The following GAS6 variants were observed in gnomAD, a reference collection of about 807,000 sequenced individuals.
GAS6 encodes the protein growth arrest specific 6.
In GAS6, 41 loss-of-function variants were observed where a neutral mutation model predicts 75.8. The observed-to-expected ratio is 0.54, with a 90% CI of 0.42 to 0.70. GAS6 has a LOEUF of 0.70. Ranked by LOEUF, GAS6 falls within the 30% of genes least tolerant of loss-of-function variation. GAS6 has a pLI of 0.00. For synonymous variants in GAS6, 432 were observed against 412.6 expected (o/e 1.05, Z -0.57); for missense variants, 854 against 940.2 (o/e 0.91, Z 1.20).
In GAS6 at chr13:113,864,029, C is replaced by CGCGGCGGCGGCGGCGGCGGCGGCG. The variant is rs565797652; in HGVS notation, c.-110_-109insCGCCGCCGCCGCCGCCGCCGCCGC. The CGCGGCGGCGGCGGCGGCGGCGGCG allele has an allele frequency of 2.0e-6, 2 of 998,268 alleles. No homozygotes were observed. The highest frequency in any genetic ancestry group is 3.5e-5 in the African/African-American group (2 of 56,584). 61.8% of individuals were successfully genotyped at this position (998,268 alleles called of 1,614,324 possible). A position where few individuals can be genotyped will look rare whatever the true frequency, so the allele number is the denominator to read the frequency against. ...GTCCTGGCGGCCCTGAAGGTCACAT[C>CGCGGCGGCGGCGGCGGCGGCGGCG]GCGGCGGCGGCGGCGGCGGCGGCTG... On this transcript the variant is annotated 5_prime_UTR_variant, in exon 1 of 15. Transcript: ENST00000327773.
At chr13:113,839,260 T>A (rs2051749890) in intron 5 of GAS6, 1 of 162,204 alleles carries the variant, frequency 6.2e-6, no homozygotes, top group South Asian at 1.8e-4. Context: ...CTGGAGCTAT[T>A]CTTCCTCCAG....
chr13:113,841,922 T>C (rs2051786032), intron 4 of GAS6: 1 of 142,232 alleles, frequency 7.0e-6, no homozygotes, highest in Non-Finnish European at 1.5e-5. Context: ...ATTTCCTCCA[T>C]ACGCCCCCCA....
At position 113,820,564 on chromosome 13, in the gene GAS6, T is replaced by G. The variant is rs1313495342; in HGVS notation, c.*300A>C. 5.1e-6 allele frequency: 2 copies of G among 394,022 alleles called. No individual in the cohort carries two copies. Among genetic ancestry groups the G allele is most frequent in the African/African-American group, 2.0e-5 (1 of 50,528 alleles). 24.4% of individuals were successfully genotyped at this position (394,022 alleles called of 1,614,324 possible). On this transcript the variant is annotated 3_prime_UTR_variant, in exon 15 of 15. Coordinates refer to ENST00000327773, the MANE Select transcript of GAS6 (RefSeq NM_000820.4). The stretch of plus-strand genomic sequence containing the variant: ...CCACGCGGTGTTACAAAGCTTTCTG[T>G]AAATATTTTATTTTCCATATTTTAG...
intron 2 of GAS6, among the ~76,000 whole-genome samples, chr13:113,859,612 C>CTGTG: frequency 8.2e-6 from 1 of 122,194 alleles, no homozygotes; most frequent in South Asian, 4.9e-4. Flanking sequence ...ATGTGTGTGC[C>CTGTG]TGTGTGTGTG....
chr13:113,854,365 A>G (rs1209666660), intron 2 of GAS6, among the ~76,000 whole-genome samples: 1 of 152,206 alleles, frequency 6.6e-6, no homozygotes, highest in African/African-American at 2.4e-5. Flanking sequence ...GAGACAGAGG[A>G]GCTCGAGTGG....
intron 4 of GAS6, chr13:113,841,976 T>A (rs533871702): frequency 8.3e-6 from 1 of 120,552 alleles, no homozygotes; most frequent in Non-Finnish European, 1.8e-5. Context: ...CGCCTCAATT[T>A]TCTCTGTACG....
intron 12 of GAS6, among the ~76,000 whole-genome samples, chr13:113,825,688 TATG>T (rs2051528140): frequency 1.3e-5 from 2 of 152,206 alleles, no homozygotes; most frequent in East Asian, 3.8e-4. Context: ...TGTCAAACAT[TATG>T]ATGCTCTAGA....
At chr13:113,832,544 C>CT in intron 9 of GAS6, 56 bp from the exon 10 acceptor site, 1 of 1,597,244 alleles carries the variant, frequency 6.3e-7, no homozygotes, top group East Asian at 2.2e-5. Flanking sequence ...TGCCCGGCCC[C>CT]TCCCTGCTGG....
In GAS6 at chr13:113,834,740, C is replaced by T. The variant is rs117482263; in HGVS notation, c.713-68G>A. The T allele has an allele frequency of 9.4e-4, 1,274 of 1,351,550 alleles. 23 individuals carry two copies. In the East Asian group the frequency reaches 0.028, roughly 29 times the overall value. The allele number at this position is 1,351,550 out of a possible 1,614,324, so 83.7% of individuals were successfully genotyped here. On this transcript the variant is annotated intron_variant, in intron 7 of 14. Coordinates refer to ENST00000327773, the MANE Select transcript of GAS6 (RefSeq NM_000820.4). ...ACGCTGTCCCGCCGTGGGATCACAC[C>T]GCGATTGCTCAAACCACACGCAAGG...
intron 10 of GAS6, among the ~76,000 whole-genome samples, chr13:113,830,087 A>G (rs1160028686): frequency 1.3e-5 from 2 of 152,270 alleles, no homozygotes; most frequent in African/African-American, 2.4e-5. Context: ...ACCTTTCCTC[A>G]TAGAAAACCT....
rs1278764530 is a variant in GAS6 at position 113,823,447 on chromosome 13, G to T, written c.1581C>A (p.Ala527=). ...AGAGAGGCACGGCACGGAGGTCGGG[G>T]GCCCAGAGCGCAAACAGCACGCCTG... ...ADTGVLFALW[A]PDLRAVPLSV... The change falls in exon 13 of 15, where the codon GCC becomes GCA. Residue 527 remains alanine, a synonymous_variant. Transcript: ENST00000327773. The T allele has an allele frequency of 1.2e-6, 2 of 1,612,806 alleles. No individual in the cohort carries two copies. The highest frequency in any genetic ancestry group is 1.7e-6 in the Non-Finnish European group (2 of 1,179,968).
At position 113,822,192 on chromosome 13, in the gene GAS6, G is replaced by A; in HGVS notation, c.1654-6C>T. 6.5e-7 allele frequency: 1 copy of A among 1,528,614 alleles called. No homozygotes were observed. The highest frequency in any genetic ancestry group is 1.2e-5 in the South Asian group (1 of 80,296). The allele number at this position is 1,528,614 out of a possible 1,614,324, so 94.7% of individuals were successfully genotyped here. On this transcript the variant is annotated splice_region_variant and splice_polypyrimidine_tract_variant and intron_variant, in intron 13 of 14. Transcript: ENST00000327773. ...TCCACGGCCAGGACCACCAGCTGCA[G>A]GAGACCGAGGTGTGGTCAGGGCCTG...
rs1184733243 is a variant in GAS6 at position 113,845,391 on chromosome 13, G to A, written c.343+1136C>T. ...TCCCAGGATGACTCCGTCCCGCCAC[G>A]CCTCTGCTCTCAGCGCCCACAGGGA... On this transcript the variant is annotated intron_variant, in intron 4 of 14. Coordinates refer to ENST00000327773, the MANE Select transcript of GAS6 (RefSeq NM_000820.4). This position sits in a 1 kb window ranked among gnomAD's most constrained non-coding sequence, Gnocchi z 4.3. 2 of 150,078 alleles carry A rather than the reference G, an allele frequency of 1.3e-5. No individual in the cohort carries two copies. Among genetic ancestry groups the A allele is most frequent in the African/African-American group, 2.5e-5 (1 of 39,626 alleles). The allele number at this position is 150,078 out of a possible 1,614,324, so 9.3% of individuals were successfully genotyped here. A position where few individuals can be genotyped will look rare whatever the true frequency, so the allele number is the denominator to read the frequency against.
Position 113,832,625 on chromosome 13 carries a change from C to A in GAS6, c.953+9G>T. ...TAAGTTGTGTTGCCTCCTGTGGACACCTCCTCACCTGGTGGGCTGCAGCCT... is the reference window on the plus strand; with the variant it reads ...TAAGTTGTGTTGCCTCCTGTGGACAACTCCTCACCTGGTGGGCTGCAGCCT... On this transcript the variant is annotated intron_variant, in intron 9 of 14. Coordinates refer to ENST00000327773, the MANE Select transcript of GAS6 (RefSeq NM_000820.4). The A allele has an allele frequency of 1.2e-6, 2 of 1,612,726 alleles. No individual in the cohort carries two copies. Among genetic ancestry groups the A allele is most frequent in the Non-Finnish European group, 8.5e-7 (1 of 1,179,948 alleles).
At chr13:113,826,581 GC>G (rs1284581366) in intron 12 of GAS6, among the ~76,000 whole-genome samples, 2 of 94,396 alleles carry the variant, frequency 2.1e-5, no homozygotes, top group Admixed American at 1.1e-4. Context: ...CCCGGCGCTG[GC>G]CTCGCAGGCA....
At chr13:113,840,252 C>T (rs2051761644) in intron 4 of GAS6, 1 of 212,162 alleles carries the variant, frequency 4.7e-6, no homozygotes, top group Non-Finnish European at 9.3e-6. Flanking sequence ...CCTGGCCAGC[C>T]CCTAGCCCAT....
chr13:113,853,344 C>T (rs993163693), intron 2 of GAS6, among the ~76,000 whole-genome samples: 26 of 152,316 alleles, frequency 1.7e-4, no homozygotes, highest in African/African-American at 5.8e-4. Flanking sequence ...GGGCACGGCC[C>T]GACCTGACGC....
At chr13:113,840,011 G>T in intron 4 of GAS6, 161 bp from the exon 5 acceptor site, 2 of 994,434 alleles carry the variant, frequency 2.0e-6, no homozygotes, top group Non-Finnish European at 3.0e-6. Context: ...CCTCTGTGCT[G>T]GCCTAGGGCT....
intron 2 of GAS6, among the ~76,000 whole-genome samples, chr13:113,853,291 A>C (rs1325795634): frequency 1.3e-5 from 2 of 152,230 alleles, no homozygotes; most frequent in African/African-American, 4.8e-5. Flanking sequence ...CTTGGGTCCC[A>C]GCAAGGTCTC....
Sources: gnomAD v4.1 joint callset for allele counts (sites outside exome capture counted in the v4.1 genomes callset) on GRCh38, gnomAD v4.1.1 for gene constraint, Gnocchi (gnomAD v3.1) non-coding constraint, MANE v1.5 for transcripts, NCBI Gene and HGNC (gene_info 2026-07-23, HGNC 2026-07-21) for gene names.